CCSER1: variants seen among roughly 807,000 people sequenced by gnomAD.
CCSER1 encodes coiled-coil serine rich protein 1, also known as serine-rich coiled-coil domain-containing protein 1.
CCSER1 carries 41 observed loss-of-function variants against 82.0 expected under a neutral mutation model. The observed-to-expected ratio is 0.50, with a 90% CI of 0.39 to 0.65. The LOEUF (loss-of-function observed/expected upper bound fraction) is 0.65, where lower values mean the gene tolerates loss of function less well. CCSER1 is among the 30% of genes least tolerant of loss of function. The pLI is 0.00. For synonymous variants in CCSER1, 414 were observed against 383.9 expected (o/e 1.08, Z -0.92); for missense variants, 1,119 against 1,064.2 (o/e 1.05, Z -0.72).
chr4:90,646,885 C>T (rs1727702305), intron 6 of CCSER1, among the ~76,000 whole-genome samples: 1 of 152,098 alleles, frequency 6.6e-6, no homozygotes, highest in Non-Finnish European at 1.5e-5. Context: ...TGGGATCCAC[C>T]TAAATCTCGT....
chr4:91,529,815 A>G (rs1018933066), intron 10 of CCSER1, among the ~76,000 whole-genome samples: 2 of 152,118 alleles, frequency 1.3e-5, no homozygotes, highest in African/African-American at 4.8e-5. Flanking sequence ...CATCTCTGAA[A>G]AATGTTCTGA....
At chr4:91,579,354 A>G (rs910614678) in intron 10 of CCSER1, among the ~76,000 whole-genome samples, 7 of 151,546 alleles carry the variant, frequency 4.6e-5, no homozygotes, top group African/African-American at 1.2e-4. Context: ...ATTGTACCCA[A>G]TTGGTCATTT....
chr4:90,881,575 C>A (rs1721322444), intron 8 of CCSER1, among the ~76,000 whole-genome samples: 1 of 152,022 alleles, frequency 6.6e-6, no homozygotes, highest in Non-Finnish European at 1.5e-5. Flanking sequence ...AGTTTGAGAC[C>A]AGCCTGGGCA....
chr4:90,875,869 G>T (rs1448654255), intron 8 of CCSER1, among the ~76,000 whole-genome samples: 2 of 152,238 alleles, frequency 1.3e-5, no homozygotes, highest in East Asian at 3.9e-4. Flanking sequence ...TAGTTAAATG[G>T]AATATAACCA....
intron 5 of CCSER1, among the ~76,000 whole-genome samples, chr4:90,469,937 A>T (rs904399839): frequency 2.0e-5 from 3 of 152,188 alleles, no homozygotes; most frequent in African/African-American, 7.2e-5. Context: ...ATCCAAAAAT[A>T]TGAAATTTGA....
At chr4:91,198,756 C>T (rs1203970396) in intron 10 of CCSER1, among the ~76,000 whole-genome samples, 2 of 152,212 alleles carry the variant, frequency 1.3e-5, no homozygotes, top group Middle Eastern at 3.4e-3. Flanking sequence ...AATAAATCCA[C>T]TTAAAATGAG....
At chr4:91,479,078 A>G (rs1757746906) in intron 10 of CCSER1, among the ~76,000 whole-genome samples, 1 of 151,860 alleles carries the variant, frequency 6.6e-6, no homozygotes. Context: ...CACAAAAGTT[A>G]AAATAAAATG....
chr4:91,133,953 G>A (rs928559284), intron 10 of CCSER1, among the ~76,000 whole-genome samples: 4 of 152,108 alleles, frequency 2.6e-5, no homozygotes, highest in South Asian at 2.1e-4. Context: ...ACAAAAATTA[G>A]CCAGGCAAGG....
At chr4:91,043,784 T>C (rs6844005) in intron 9 of CCSER1, among the ~76,000 whole-genome samples, 9,246 of 152,048 alleles carry the variant, frequency 0.061, 346 homozygotes, top group African/African-American at 0.099. Context: ...GACGGGGTTT[T>C]GCCCTGTTGG....
In CCSER1 at chr4:91,007,807, T is replaced by C. The variant is rs116667501; in HGVS notation, c.2173-78143T>C. 4.7e-3 allele frequency among the ~76,000 whole-genome samples: 713 copies of C among 152,250 alleles called. 5 individuals carry two copies. Among genetic ancestry groups the C allele is most frequent in the African/African-American group, 0.016 (657 of 41,576 alleles). On this transcript the variant is annotated intron_variant, in intron 9 of 10. Coordinates refer to ENST00000509176, the MANE Select transcript of CCSER1 (RefSeq NM_001145065.2). ...TTGGTTTAGTTTGTTCTTGTTTTACTAGTTTCTTGAGGTGTAATGTTAACT... is the reference window on the plus strand; with the variant it reads ...TTGGTTTAGTTTGTTCTTGTTTTACCAGTTTCTTGAGGTGTAATGTTAACT...
intron 3 of CCSER1, among the ~76,000 whole-genome samples, chr4:90,331,450 A>G (rs935714512): frequency 1.3e-5 from 2 of 152,222 alleles, no homozygotes. Context: ...TACTTGTGGC[A>G]GCTGAGTTAC....
intron 6 of CCSER1, among the ~76,000 whole-genome samples, chr4:90,663,666 C>G (rs1731212454): frequency 6.6e-6 from 1 of 152,068 alleles, no homozygotes; most frequent in Non-Finnish European, 1.5e-5. Flanking sequence ...TATTATTCTT[C>G]ACAATTTTTT....
Position 90,312,976 on chromosome 4 carries a change from G to A in CCSER1, c.1438G>A (p.Gly480Arg). The change falls in exon 3 of 11, where the codon GGA becomes AGA. Residue 480 changes from glycine to arginine, a missense_variant. Transcript: ENST00000509176. ...CAGAATGATTTTGAAACCGAAAGATGGAAATATAGAAGAAGTTAATAGTTT... is the reference window on the plus strand; with the variant it reads ...CAGAATGATTTTGAAACCGAAAGATAGAAATATAGAAGAAGTTAATAGTTT... ...SSRMILKPKD[G>R]NIEEVNSLRK... 6.2e-7 allele frequency: 1 copy of A among 1,602,862 alleles called. No individual in the cohort carries two copies. The highest frequency in any genetic ancestry group is 8.5e-7 in the Non-Finnish European group (1 of 1,174,078).
chr4:90,658,967 G>A (rs1730236733), intron 6 of CCSER1, among the ~76,000 whole-genome samples: 1 of 152,012 alleles, frequency 6.6e-6, no homozygotes, highest in Non-Finnish European at 1.5e-5. Flanking sequence ...ACACACACAT[G>A]TGATATTTTC....
intron 3 of CCSER1, among the ~76,000 whole-genome samples, chr4:90,389,323 C>G (rs537254643): frequency 2.0e-5 from 3 of 152,278 alleles, no homozygotes; most frequent in Admixed American, 2.0e-4. Flanking sequence ...AATGCTAAGA[C>G]AACTAAGCAA....
chr4:91,508,686 T>C (rs536301479), intron 10 of CCSER1, among the ~76,000 whole-genome samples: 3 of 151,962 alleles, frequency 2.0e-5, no homozygotes, highest in Non-Finnish European at 4.4e-5. Context: ...TTGCTATTAT[T>C]TCTTCTTAGA....
chr4:91,126,711 T>G (rs1253046055), intron 10 of CCSER1, among the ~76,000 whole-genome samples: 1 of 152,002 alleles, frequency 6.6e-6, no homozygotes, highest in Admixed American at 6.6e-5. Context: ...TCATGTGAAT[T>G]TTATTGAAGA....
chr4:90,313,096 C>T, intron 3 of CCSER1, 49 bp downstream of exon 3: 1 of 1,397,434 alleles, frequency 7.2e-7, no homozygotes, highest in Non-Finnish European at 1.0e-6. Flanking sequence ...CTGTCTATAT[C>T]CGACATGTTC....
chr4:91,333,430 A>C (rs1421030881), intron 10 of CCSER1, among the ~76,000 whole-genome samples: 2 of 152,064 alleles, frequency 1.3e-5, no homozygotes, highest in African/African-American at 2.4e-5. Flanking sequence ...ACACTCTTAC[A>C]TTTGTACTTT....
Sources: gnomAD v4.1 joint callset for allele counts (sites outside exome capture counted in the v4.1 genomes callset) on GRCh38, gnomAD v4.1.1 for gene constraint, MANE v1.5 for transcripts, NCBI Gene and HGNC (gene_info 2026-07-23, HGNC 2026-07-21) for gene names.